The following ANO1 variants were observed in gnomAD, a reference collection of about 807,000 sequenced individuals.
The protein encoded by ANO1 is anoctamin-1.
A neutral mutation model predicts 124.0 loss-of-function variants in ANO1; 59 were observed. That is an observed-to-expected ratio of 0.48 (90% CI 0.39 to 0.59). The LOEUF is 0.59. Ranked by LOEUF, ANO1 falls within the 20% of genes least tolerant of loss-of-function variation. The pLI, the probability that ANO1 is intolerant of heterozygous loss-of-function variation, is 0.00. For missense variants in ANO1, 1,059 were observed against 1,328.0 expected (o/e 0.80, Z 3.15); for synonymous variants, 529 against 532.0 (o/e 0.99, Z 0.08).
chr11:70,161,111 G>GA (rs771893273), intron 16 of ANO1, 50 bp from the exon 17 acceptor site: 216 of 1,542,194 alleles, frequency 1.4e-4, no homozygotes, highest in Non-Finnish European at 1.8e-4. Flanking sequence ...GCAGGCCCAG[G>GA]AAGGTCCTGG....
intron 25 of ANO1, 55 bp from the exon 26 acceptor site, chr11:70,187,683 G>C (rs979759149): frequency 6.4e-7 from 1 of 1,552,536 alleles, no homozygotes. Context: ...GAGAGGTCAG[G>C]AGCACTTCCC....
chr11:70,097,594 T>C (rs2045051242), intron 2 of ANO1, among the ~76,000 whole-genome samples: 1 of 152,192 alleles, frequency 6.6e-6, no homozygotes, highest in Non-Finnish European at 1.5e-5. Flanking sequence ...CTGAGATTCC[T>C]CCACATCTAC....
At chr11:70,175,162 C>T (rs886795520) in intron 22 of ANO1, among the ~76,000 whole-genome samples, 19 of 152,360 alleles carry the variant, frequency 1.2e-4, no homozygotes, top group African/African-American at 4.6e-4. Context: ...CCTGGCTTCC[C>T]GCAGTCCCTC....
chr11:70,077,663 T>G (rs1357323321), upstream of ANO1, among the ~76,000 whole-genome samples: 1 of 152,164 alleles, frequency 6.6e-6, no homozygotes, highest in African/African-American at 2.4e-5. Context: ...CCTCAGAGGA[T>G]GCGGACTGGT....
intron 1 of ANO1, among the ~76,000 whole-genome samples, chr11:70,000,748 C>T (rs1255423294): frequency 5.9e-5 from 9 of 151,980 alleles, no homozygotes; most frequent in Non-Finnish European, 1.3e-4. Context: ...CTGGAAGCTC[C>T]TGCAGAGACT....
At chr11:69,993,193 G>C (rs553821741) in intron 1 of ANO1, among the ~76,000 whole-genome samples, 14 of 152,256 alleles carry the variant, frequency 9.2e-5, no homozygotes, top group Admixed American at 8.5e-4. Flanking sequence ...GTTTGCCCCT[G>C]GGTGTGGTGT....
At chr11:70,020,925 C>T (rs61886397) in intron 1 of ANO1, 10,007 of 152,380 alleles carry the variant, frequency 0.066, 423 homozygotes, top group East Asian at 0.11. Context: ...GCCTCTCATT[C>T]GTAGTCATCG....
At chr11:70,127,863 G>A (rs980043833) in intron 10 of ANO1, among the ~76,000 whole-genome samples, 5 of 152,232 alleles carry the variant, frequency 3.3e-5, no homozygotes, top group Non-Finnish European at 7.3e-5. Flanking sequence ...TGCCTTCAGC[G>A]TGCAAATCGC....
intron 1 of ANO1, among the ~76,000 whole-genome samples, chr11:70,003,506 G>A (rs1856422660): frequency 6.6e-6 from 1 of 152,048 alleles, no homozygotes; most frequent in African/African-American, 2.4e-5. Flanking sequence ...GCTGCAGGAA[G>A]CTTACTCTGT....
intron 8 of ANO1, among the ~76,000 whole-genome samples, chr11:70,116,937 A>T (rs180740314): frequency 3.3e-5 from 5 of 152,166 alleles, no homozygotes; most frequent in Non-Finnish European, 5.9e-5. Flanking sequence ...AATGGCCCCC[A>T]GCAGCGCATT....
intron 1 of ANO1, among the ~76,000 whole-genome samples, chr11:70,045,479 T>C (rs990406256): frequency 6.6e-6 from 1 of 152,138 alleles, no homozygotes; most frequent in Non-Finnish European, 1.5e-5. Context: ...TCAATAATCT[T>C]CCACTCGGCC....
At chr11:70,166,428 G>C (rs1380140807) in intron 20 of ANO1, among the ~76,000 whole-genome samples, 2 of 152,158 alleles carry the variant, frequency 1.3e-5, no homozygotes, top group East Asian at 1.9e-4. Flanking sequence ...GGCTGAGGAT[G>C]GGGGGGTACC....
At position 70,108,412 on chromosome 11, in the gene ANO1, C is replaced by T. The variant is rs753641865; in HGVS notation, c.799+8C>T. On this transcript the variant is annotated splice_region_variant and intron_variant, in intron 6 of 25. Transcript: ENST00000355303. Reference sequence around the variant, plus strand: ...AGGCCAAGTACAGCATGGGTAAGCACGTTTTTGGGGCTTGAGATCAGCATT... The same window carrying T: ...AGGCCAAGTACAGCATGGGTAAGCATGTTTTTGGGGCTTGAGATCAGCATT... 7.4e-5 allele frequency: 119 copies of T among 1,610,402 alleles called. 1 individual carries two copies. In the South Asian group the frequency reaches 9.5e-4, roughly 13 times the overall value.
intron 11 of ANO1, among the ~76,000 whole-genome samples, chr11:70,140,727 T>A (rs1171300041): frequency 3.3e-5 from 5 of 152,178 alleles, no homozygotes; most frequent in Non-Finnish European, 1.5e-5. Context: ...GGATTAATTG[T>A]CTTAATTACT....
At chr11:70,154,095 T>C (rs1390763273) in intron 14 of ANO1, among the ~76,000 whole-genome samples, 1 of 152,096 alleles carries the variant, frequency 6.6e-6, no homozygotes, top group East Asian at 1.9e-4. Flanking sequence ...TTTCACATGA[T>C]GTGGGACAAG....
intron 1 of ANO1, among the ~76,000 whole-genome samples, chr11:70,085,950 G>A (rs1178658432): frequency 6.6e-6 from 1 of 152,238 alleles, no homozygotes; most frequent in Admixed American, 6.5e-5. Flanking sequence ...GGCTCCAGGC[G>A]ACCACGTGGG....
At chr11:70,016,761 CT>C (rs1271458227) in intron 1 of ANO1, among the ~76,000 whole-genome samples, 2 of 152,230 alleles carry the variant, frequency 1.3e-5, no homozygotes, top group African/African-American at 4.8e-5. Context: ...GGCTGTGGGG[CT>C]CACCCTTAAT....
intron 1 of ANO1, among the ~76,000 whole-genome samples, chr11:70,004,361 G>A (rs1288671302): frequency 6.6e-6 from 1 of 152,240 alleles, no homozygotes; most frequent in African/African-American, 2.4e-5. Context: ...AATATTTGCT[G>A]TGTGTGACCA....
chr11:70,142,398 G>C (rs1434011480), intron 11 of ANO1, among the ~76,000 whole-genome samples: 1 of 152,134 alleles, frequency 6.6e-6, no homozygotes, highest in Non-Finnish European at 1.5e-5. Flanking sequence ...GATCGTCTGC[G>C]GGAACTAAAC....
Sources: gnomAD v4.1 joint callset for allele counts (sites outside exome capture counted in the v4.1 genomes callset) on GRCh38, gnomAD v4.1.1 for gene constraint, MANE v1.5 for transcripts, NCBI Gene and HGNC (gene_info 2026-07-23, HGNC 2026-07-21) for gene names.